ITGB8: variants seen among roughly 807,000 people sequenced by gnomAD.
ITGB8 encodes the protein integrin subunit beta 8.
Under a neutral mutation model 89.5 loss-of-function variants are expected in ITGB8, and 30 were observed. The ratio of observed to expected loss-of-function variants is 0.34; its 90% CI spans 0.25 to 0.45. ITGB8 has a LOEUF of 0.45. Among genes scored for constraint, ITGB8 ranks in the 20% least tolerant of loss-of-function variants. ITGB8 has a pLI of 1.00. For synonymous variants in ITGB8, 335 were observed against 320.4 expected (o/e 1.05, Z -0.49); for missense variants, 836 against 933.3 (o/e 0.90, Z 1.36).
At chr7:20,344,688 C>G (rs964050753) in intron 1 of ITGB8, among the ~76,000 whole-genome samples, 1 of 152,120 alleles carries the variant, frequency 6.6e-6, no homozygotes, top group Non-Finnish European at 1.5e-5. Flanking sequence ...CAAAGCTTCC[C>G]CAGGGAGACG....
At position 20,410,357 on chromosome 7, in the gene ITGB8, T is replaced by A. The variant is rs1424916757; in HGVS notation, c.*360T>A. 2 of 212,030 alleles carry A rather than the reference T, an allele frequency of 9.4e-6. No individual in the cohort carries two copies. The highest frequency in any genetic ancestry group is 4.7e-5 in the African/African-American group (2 of 42,318). The allele number at this position is 212,030 out of a possible 1,614,324, so 13.1% of individuals were successfully genotyped here. The stretch of plus-strand genomic sequence containing the variant: ...GAGAGAACAATGCTGTGAGAGAGTT[T>A]AGCATTGTGTCACTACAAGGGTACA... On this transcript the variant is annotated 3_prime_UTR_variant, in exon 14 of 14. Coordinates refer to ENST00000222573, the MANE Select transcript of ITGB8 (RefSeq NM_002214.3).
intron 6 of ITGB8, among the ~76,000 whole-genome samples, chr7:20,388,126 A>C (rs944854781): frequency 1.3e-5 from 2 of 152,178 alleles, no homozygotes; most frequent in Non-Finnish European, 2.9e-5. Context: ...TCTTTACCCA[A>C]AATTGCCCCC....
rs775513103 is a variant in ITGB8, at chr7:20,409,955, C to T, written c.2268C>T (p.Ile756=). The T allele has an allele frequency of 2.2e-5, 35 of 1,613,052 alleles. No individual in the cohort carries two copies. The highest frequency in any genetic ancestry group is 2.8e-5 in the Non-Finnish European group (33 of 1,179,522). ...REKPEEIKMD[I]SKLNAHETFR... The stretch of plus-strand genomic sequence containing the variant: ...AGCCTGAAGAAATAAAAATGGATAT[C>T]AGCAAATTAAATGCTCATGAAACTT... Residue 756 remains isoleucine, a synonymous_variant, in exon 14 of 14, where the codon ATC becomes ATT. Transcript: ENST00000222573.
At chr7:20,345,023 C>A (rs1229406811) in intron 1 of ITGB8, among the ~76,000 whole-genome samples, 1 of 152,148 alleles carries the variant, frequency 6.6e-6, no homozygotes, top group Non-Finnish European at 1.5e-5. Flanking sequence ...CACTAAGTAT[C>A]TAGCACCTTC....
At chr7:20,372,997 G>T (rs1384978494) in intron 3 of ITGB8, among the ~76,000 whole-genome samples, 1 of 152,148 alleles carries the variant, frequency 6.6e-6, no homozygotes, top group Non-Finnish European at 1.5e-5. Flanking sequence ...TTTTCACCAT[G>T]AGATGAATCA....
At position 20,373,373 on chromosome 7, in the gene ITGB8, T is replaced by C. The variant is rs1017011629; in HGVS notation, c.389-5678T>C. 2.5e-4 allele frequency among the ~76,000 whole-genome samples: 38 copies of C among 152,268 alleles called. 1 individual carries two copies. The highest frequency in any genetic ancestry group is 1.5e-3 in the South Asian group (7 of 4,824). ...CTAAGGAAACTGGATATTAACTCTT[T>C]AGGAAAATAGGACAGAGAAGGGAAT... On this transcript the variant is annotated intron_variant, in intron 3 of 13. Transcript: ENST00000222573.
intron 1 of ITGB8, among the ~76,000 whole-genome samples, chr7:20,339,167 G>A (rs1021796896): frequency 6.9e-6 from 1 of 145,606 alleles, no homozygotes; most frequent in African/African-American, 2.6e-5. Flanking sequence ...TCTCCAGCCT[G>A]GCGACAGAGC....
intron 6 of ITGB8, among the ~76,000 whole-genome samples, chr7:20,390,224 T>A (rs1359199988): frequency 2.0e-5 from 3 of 152,148 alleles, no homozygotes; most frequent in African/African-American, 7.2e-5. Flanking sequence ...TTAAATGTTA[T>A]GATACTAATT....
rs1784830285 is a variant in ITGB8 at position 20,343,547 on chromosome 7, C to T, written c.127+11614C>T. On this transcript the variant is annotated intron_variant, in intron 1 of 13. Transcript: ENST00000222573. ...CCTATCCCTAAAACCCTGCACAATG[C>T]CATGGCTTAATTGCAAGTATTAAGT... Among the ~76,000 whole-genome samples, 5 of 152,238 alleles carry T rather than the reference C, an allele frequency of 3.3e-5. No homozygotes were observed. In the South Asian group the frequency reaches 8.3e-4, roughly 25 times the overall value.
At chr7:20,383,064 TCA>T (rs1786464713) in intron 6 of ITGB8, among the ~76,000 whole-genome samples, 2 of 152,188 alleles carry the variant, frequency 1.3e-5, no homozygotes, top group Non-Finnish European at 2.9e-5. Flanking sequence ...CCAAGACACC[TCA>T]CACACAGTTT....
At chr7:20,384,859 G>T (rs1019848109) in intron 6 of ITGB8, among the ~76,000 whole-genome samples, 1 of 152,150 alleles carries the variant, frequency 6.6e-6, no homozygotes, top group African/African-American at 2.4e-5. Flanking sequence ...GTATATGGTT[G>T]CTGGCAAATG....
Position 20,363,648 on chromosome 7 carries a change from T to C in ITGB8, c.139T>C (p.Cys47Arg), listed in dbSNP as rs1785585549. 1.9e-6 allele frequency: 3 copies of C among 1,596,952 alleles called. No homozygotes were observed. Among genetic ancestry groups the C allele is most frequent in the Middle Eastern group, 3.3e-4 (2 of 6,008 alleles). Reference protein sequence around the residue: ...LGLGQGEDNRCASSNAASCAR... With the variant: ...LGLGQGEDNRRASSNAASCAR... ...CTCCTTCATTGCAGAAGACAATAGATGTGCATCTTCAAATGCAGCATCCTG... is the reference window on the plus strand; with the variant it reads ...CTCCTTCATTGCAGAAGACAATAGACGTGCATCTTCAAATGCAGCATCCTG... Residue 47 changes from cysteine (C) to arginine (R), a missense_variant, in exon 2 of 14, where the codon TGT (cysteine) becomes CGT (arginine). Cys to Arg is a radical substitution (Grantham distance 180). Coordinates refer to ENST00000222573, the MANE Select transcript of ITGB8 (RefSeq NM_002214.3).
At chr7:20,399,852 A>G (rs10271863) in intron 9 of ITGB8, among the ~76,000 whole-genome samples, 51 of 152,324 alleles carry the variant, frequency 3.3e-4, no homozygotes, top group African/African-American at 1.2e-3. Context: ...ATGCTATAGA[A>G]AAAAAGAAAA....
intron 3 of ITGB8, among the ~76,000 whole-genome samples, chr7:20,367,799 T>C (rs918334508): frequency 6.6e-6 from 1 of 152,168 alleles, no homozygotes; most frequent in Non-Finnish European, 1.5e-5. Flanking sequence ...CTTTTGTACT[T>C]CCCCTTCCTT....
intron 1 of ITGB8, among the ~76,000 whole-genome samples, chr7:20,358,361 G>GC (rs1304635372): frequency 6.6e-6 from 1 of 151,956 alleles, no homozygotes; most frequent in East Asian, 1.9e-4. Flanking sequence ...AAAGCACTAG[G>GC]CCCCAAACCA....
chr7:20,369,511 C>T (rs1467730989), intron 3 of ITGB8, among the ~76,000 whole-genome samples: 2 of 152,154 alleles, frequency 1.3e-5, no homozygotes, highest in African/African-American at 4.8e-5. Context: ...GCACTAATCC[C>T]ATCATGTCGG....
At chr7:20,380,926 G>C in intron 5 of ITGB8, 95 bp downstream of exon 5, 1 of 1,083,880 alleles carries the variant, frequency 9.2e-7, no homozygotes, top group Non-Finnish European at 1.4e-6. Context: ...GAGTGAAAAC[G>C]TAGTGTAGAA....
At chr7:20,341,705 G>T (rs990310346) in intron 1 of ITGB8, among the ~76,000 whole-genome samples, 2 of 152,102 alleles carry the variant, frequency 1.3e-5, no homozygotes, top group African/African-American at 4.8e-5. Context: ...CCCTTTTAGG[G>T]CTGTCCGGGG....
chr7:20,371,485 A>G (rs189578992), intron 3 of ITGB8, among the ~76,000 whole-genome samples: 183 of 152,274 alleles, frequency 1.2e-3, no homozygotes, highest in Non-Finnish European at 2.1e-3. Flanking sequence ...TTGTGTGATT[A>G]TCTCATAAAA....
Sources: allele counts gnomAD v4.1 joint callset (sites outside exome capture counted in the v4.1 genomes callset), GRCh38; gene constraint gnomAD v4.1.1; transcripts MANE v1.5; gene names NCBI Gene and HGNC (gene_info 2026-07-23, HGNC 2026-07-21).